Variants in DYM observed in about 807,000 individuals in gnomAD.
DYM encodes dyggve-Melchior-Clausen syndrome protein.
DYM carries 78 observed loss-of-function variants against 93.1 expected under a neutral mutation model. The ratio of observed to expected loss-of-function variants is 0.84; its 90% confidence interval spans 0.70 to 1.01. The LOEUF is 1.01. DYM is among the 50% of genes least tolerant of loss of function. The probability of loss-of-function intolerance (pLI) is 0.00; values close to 1 mark genes in which losing one functional copy is unlikely to be tolerated. For synonymous variants in DYM, 321 were observed against 319.7 expected (o/e 1.00, Z -0.04); for missense variants, 789 against 845.0 (o/e 0.93, Z 0.82).
chr18:49,129,768 A>T (rs1301409240), intron 15 of DYM, among the ~76,000 whole-genome samples: 2 of 151,790 alleles, frequency 1.3e-5, no homozygotes, highest in African/African-American at 4.8e-5. Flanking sequence ...AGGCTCCAAG[A>T]CTCATTTTCT....
chr18:49,210,986 T>C (rs751909557), intron 13 of DYM, among the ~76,000 whole-genome samples: 43 of 152,312 alleles, frequency 2.8e-4, no homozygotes, highest in Admixed American at 1.5e-3. Context: ...GTATTAGGAA[T>C]ATGTTCCTGG....
At chr18:49,262,326 C>G (rs1192505432) in intron 11 of DYM, among the ~76,000 whole-genome samples, 1 of 152,024 alleles carries the variant, frequency 6.6e-6, no homozygotes, top group Non-Finnish European at 1.5e-5. Flanking sequence ...GAGCATGGCC[C>G]CGCTGACACC....
chr18:49,168,907 G>A (rs2088278616), intron 14 of DYM, among the ~76,000 whole-genome samples: 1 of 152,100 alleles, frequency 6.6e-6, no homozygotes, highest in Admixed American at 6.5e-5. Context: ...GAAAGGCACT[G>A]GGAGATTTCA....
At chr18:49,266,842 C>A (rs2094577909) in intron 11 of DYM, among the ~76,000 whole-genome samples, 1 of 152,082 alleles carries the variant, frequency 6.6e-6, no homozygotes, top group Admixed American at 6.6e-5. Flanking sequence ...TAGCATTACT[C>A]TCCTGTGCTG....
At chr18:49,170,781 A>C (rs1398877523) in intron 14 of DYM, among the ~76,000 whole-genome samples, 7,614 of 31,458 alleles carry the variant, frequency 0.24, 1,574 homozygotes, top group Non-Finnish European at 0.35. Context: ...ACTCCGTCTC[A>C]AAAAAAAAAA....
intron 8 of DYM, among the ~76,000 whole-genome samples, chr18:49,317,603 T>TCTCTCTC (rs1938889627): frequency 5.5e-5 from 1 of 18,112 alleles, no homozygotes; most frequent in Non-Finnish European, 9.6e-5. Flanking sequence ...CTCTCCCCCC[T>TCTCTCTC]CCCCCCTCCC....
chr18:49,092,578 C>A (rs1275153429), intron 17 of DYM, among the ~76,000 whole-genome samples: 1 of 152,138 alleles, frequency 6.6e-6, no homozygotes, highest in Non-Finnish European at 1.5e-5. Flanking sequence ...CTTCTGTTTC[C>A]CCAACGTCCT....
At chr18:49,315,520 C>T (rs2061871729) in intron 8 of DYM, among the ~76,000 whole-genome samples, 1 of 152,162 alleles carries the variant, frequency 6.6e-6, no homozygotes, top group Non-Finnish European at 1.5e-5. Context: ...CCTCTTTCCA[C>T]CTATCTTTGC....
intron 2 of DYM, among the ~76,000 whole-genome samples, chr18:49,404,231 CTCCTGACCTCAAGTGA>C (rs2148085417): frequency 6.6e-6 from 1 of 152,240 alleles, no homozygotes; most frequent in East Asian, 1.9e-4. Flanking sequence ...TGGTCTCGAA[CTCCTGACCTCAAGTGA>C]TCCTCCCGCC....
intron 1 of DYM, among the ~76,000 whole-genome samples, chr18:49,454,623 G>T (rs544982225): frequency 3.4e-4 from 51 of 152,208 alleles, no homozygotes; most frequent in Admixed American, 7.2e-4. Context: ...CTGCAGGCCG[G>T]GTGCGGTGGC....
intron 16 of DYM, among the ~76,000 whole-genome samples, chr18:49,098,626 T>C (rs1555754143): frequency 6.6e-6 from 1 of 152,254 alleles, no homozygotes; most frequent in Non-Finnish European, 1.5e-5. Context: ...AAACCATTTC[T>C]TTCTCAAGCA....
intron 6 of DYM, among the ~76,000 whole-genome samples, chr18:49,335,601 C>G (rs2063598763): frequency 6.6e-6 from 1 of 152,008 alleles, no homozygotes; most frequent in South Asian, 2.1e-4. Context: ...TGCTCAGAAC[C>G]CCCAAAAATT....
chr18:49,360,345 C>T (rs575745624), intron 6 of DYM, among the ~76,000 whole-genome samples: 14 of 151,142 alleles, frequency 9.3e-5, no homozygotes, highest in African/African-American at 3.4e-4. Context: ...ATATTTAGGG[C>T]TGAGCGTGGT....
At chr18:49,454,763 C>G (rs2082830968) in intron 1 of DYM, among the ~76,000 whole-genome samples, 1 of 151,166 alleles carries the variant, frequency 6.6e-6, no homozygotes, top group Admixed American at 6.6e-5. Flanking sequence ...AAAAAATTAG[C>G]CAGGCATTGT....
chr18:49,270,678 C>T (rs193012039), intron 11 of DYM, among the ~76,000 whole-genome samples: 1 of 152,190 alleles, frequency 6.6e-6, no homozygotes, highest in Admixed American at 6.5e-5. Context: ...ATCAAAACAT[C>T]AAGTTGTATA....
intron 15 of DYM, among the ~76,000 whole-genome samples, chr18:49,155,642 C>T (rs1325348309): frequency 1.3e-5 from 2 of 152,330 alleles, no homozygotes; most frequent in Non-Finnish European, 2.9e-5. Context: ...CAATAAGTGG[C>T]CTTGTTACTG....
rs571105656 is a variant in DYM, at chr18:49,072,291, T to A, written c.2025+25111A>T. On this transcript the variant is annotated intron_variant, in intron 17 of 17. Transcript: ENST00000675505. ...CAAAGCTATGCTGCCAATAAGGTGATTCGTGTCATGTTTAAAGGATTTCAT... is the reference window on the plus strand; with the variant it reads ...CAAAGCTATGCTGCCAATAAGGTGAATCGTGTCATGTTTAAAGGATTTCAT... 7.0e-4 allele frequency among the ~76,000 whole-genome samples: 107 copies of A among 152,356 alleles called. 2 individuals carry two copies. The highest frequency in any genetic ancestry group is 2.5e-3 in the African/African-American group (106 of 41,586).
intron 14 of DYM, among the ~76,000 whole-genome samples, chr18:49,168,840 T>C (rs539235828): frequency 1.3e-3 from 203 of 152,256 alleles, no homozygotes; most frequent in Non-Finnish European, 2.5e-3. Flanking sequence ...TTAGAGGACT[T>C]GCTATTTGGA....
At chr18:49,080,982 G>T (rs1177083688) in intron 17 of DYM, among the ~76,000 whole-genome samples, 1 of 151,504 alleles carries the variant, frequency 6.6e-6, no homozygotes, top group Non-Finnish European at 1.5e-5. Flanking sequence ...TTCCTAGATG[G>T]GATGGCGGCC....
Sources: allele counts gnomAD v4.1 joint callset (sites outside exome capture counted in the v4.1 genomes callset), GRCh38; gene constraint gnomAD v4.1.1; transcripts MANE v1.5; gene names NCBI Gene and HGNC (gene_info 2026-07-23, HGNC 2026-07-21).